PRDX6: variants seen among roughly 807,000 people sequenced by gnomAD.
PRDX6 encodes the protein peroxiredoxin 6.
A neutral mutation model predicts 20.0 loss-of-function variants in PRDX6; 13 were observed. The ratio of observed to expected loss-of-function variants is 0.65; its 90% CI spans 0.42 to 1.03. The LOEUF (loss-of-function observed/expected upper bound fraction) is 1.03. Ranked by LOEUF, PRDX6 falls within the 50% of genes least tolerant of loss-of-function variation. PRDX6 has a pLI of 0.00. For synonymous variants in PRDX6, 85 were observed against 100.8 expected (o/e 0.84, Z 0.94); for missense variants, 203 against 276.9 (o/e 0.73, Z 1.89).
chr1:173,485,265 C>T, intron 2 of PRDX6, 96 bp from the exon 3 acceptor site: 1 of 1,226,860 alleles, frequency 8.2e-7, no homozygotes, highest in East Asian at 2.5e-5. Flanking sequence ...TGATTTGGTC[C>T]TCTTTCCTGT....
In PRDX6 at chr1:173,488,114, A is replaced by C; in HGVS notation, c.*251A>C. The C allele has an allele frequency of 2.4e-6, 1 of 417,164 alleles. No individual in the cohort carries two copies. The highest frequency in any genetic ancestry group is 3.8e-5 in the South Asian group (1 of 25,978). The allele number at this position is 417,164 out of a possible 1,614,324, so 25.8% of individuals were successfully genotyped here. A position where few individuals can be genotyped will look rare whatever the true frequency, so the allele number is the denominator to read the frequency against. On this transcript the variant is annotated 3_prime_UTR_variant, in exon 5 of 5. Transcript: ENST00000340385. ...GTTTGAAATATGTTCTGTATTTAAA[A>C]CTCAAATCTTGTTGGATCTCTGCAG...
At chr1:173,485,313 G>A in intron 2 of PRDX6, 48 bp from the exon 3 acceptor site, 1 of 1,478,050 alleles carries the variant, frequency 6.8e-7, no homozygotes, top group Middle Eastern at 1.8e-4. Flanking sequence ...GAAATTCAGA[G>A]CATGTGTTGG....
intron 1 of PRDX6, among the ~76,000 whole-genome samples, chr1:173,480,561 T>TCTAATA (rs1658784176): frequency 1.3e-5 from 2 of 152,232 alleles, no homozygotes; most frequent in Admixed American, 6.5e-5. Context: ...GATATTAGTA[T>TCTAATA]TTACCTAAGA....
Position 173,481,492 on chromosome 1 carries a change from A to C in PRDX6, c.252+10A>C, listed in dbSNP as rs779754915. ...TCTTGCCTGGAGCAAGGTTAGTATC[A>C]ATTGGCATGTGCTTTGAGCCTGAGA... On this transcript the variant is annotated intron_variant, in intron 2 of 4. Transcript: ENST00000340385. 3.7e-6 allele frequency: 6 copies of C among 1,612,568 alleles called. 1 individual carries two copies. In the South Asian group the frequency reaches 4.4e-5, roughly 12 times the overall value.
chr1:173,481,180 A>T, intron 1 of PRDX6, 146 bp from the exon 2 acceptor site: 1 of 802,606 alleles, frequency 1.2e-6, no homozygotes, highest in Non-Finnish European at 1.9e-6. Context: ...GCACTCCTCA[A>T]CAGAAAAGCT....
At chr1:173,485,981 C>T (rs1355770827) in intron 3 of PRDX6, among the ~76,000 whole-genome samples, 1 of 152,224 alleles carries the variant, frequency 6.6e-6, no homozygotes, top group Non-Finnish European at 1.5e-5. Flanking sequence ...CCCCAATTGA[C>T]ACAGCCTTTC....
chr1:173,481,221 T>C, intron 1 of PRDX6, 105 bp from the exon 2 acceptor site: 1 of 1,168,588 alleles, frequency 8.6e-7, no homozygotes, highest in Non-Finnish European at 1.2e-6. Context: ...AGCATTCATT[T>C]AAAAAAGAAA....
rs202196413 is a variant in PRDX6, at chr1:173,478,516, T to TC, written c.95+1024_95+1025insC. On this transcript the variant is annotated intron_variant, in intron 1 of 4. Transcript: ENST00000340385. ...TAGGAGTAGTAAATCGGTGTTGCCCTTTTTTTTTTTTAACAGCTCCTGAAT... is the reference window on the plus strand; with the variant it reads ...TAGGAGTAGTAAATCGGTGTTGCCCTCTTTTTTTTTTTAACAGCTCCTGAAT... Among the ~76,000 whole-genome samples the TC allele has an allele frequency of 7.3e-3, 1,054 of 144,264 alleles. 14 individuals are homozygous for TC. Among genetic ancestry groups the TC allele is most frequent in the African/African-American group, 0.025 (1,013 of 39,786 alleles). The allele number at this position is 144,264 out of a possible 152,430, so 94.6% of individuals were successfully genotyped here.
At chr1:173,480,762 A>G (rs146676466) in intron 1 of PRDX6, among the ~76,000 whole-genome samples, 3 of 152,342 alleles carry the variant, frequency 2.0e-5, no homozygotes, top group Non-Finnish European at 4.4e-5. Flanking sequence ...AAAAGATTTT[A>G]TATCCACTTG....
At chr1:173,486,211 C>G in intron 3 of PRDX6, 44 bp from the exon 4 acceptor site, 1 of 1,506,730 alleles carries the variant, frequency 6.6e-7, no homozygotes, top group Non-Finnish European at 8.9e-7. Flanking sequence ...GCTTTAATAA[C>G]ACTCAAAGAA....
intron 2 of PRDX6, among the ~76,000 whole-genome samples, chr1:173,483,387 G>A (rs937974065): frequency 1.3e-5 from 2 of 152,130 alleles, no homozygotes; most frequent in African/African-American, 4.8e-5. Context: ...TAAGCAGCCA[G>A]TGACAACAGA....
chr1:173,481,158 G>A, intron 1 of PRDX6, 168 bp from the exon 2 acceptor site: 1 of 640,406 alleles, frequency 1.6e-6, no homozygotes, highest in African/African-American at 1.8e-5. Context: ...CTGGAGGTAA[G>A]TAGATTGAAA....
chr1:173,481,080 T>C (rs1004711503), intron 1 of PRDX6: 1 of 458,078 alleles, frequency 2.2e-6, no homozygotes, highest in African/African-American at 2.0e-5. Flanking sequence ...TTAACATTAG[T>C]CTTTTTAAAT....
At chr1:173,478,803 T>TGGAA (rs1223874916) in intron 1 of PRDX6, among the ~76,000 whole-genome samples, 9 of 152,206 alleles carry the variant, frequency 5.9e-5, no homozygotes, top group African/African-American at 1.9e-4. Flanking sequence ...TATAACCTCT[T>TGGAA]AAGTCCCTTT....
chr1:173,483,755 G>A (rs1658843432), intron 2 of PRDX6, among the ~76,000 whole-genome samples: 1 of 151,932 alleles, frequency 6.6e-6, no homozygotes. Context: ...ATCCAACTAA[G>A]TTCCTCACTC....
intron 3 of PRDX6, 129 bp downstream of exon 3, chr1:173,485,636 T>G: frequency 1.2e-6 from 1 of 825,664 alleles, no homozygotes; most frequent in Non-Finnish European, 1.7e-6. Flanking sequence ...TTGGCGACAA[T>G]ATCACTGATT....
At position 173,487,973 on chromosome 1, in the gene PRDX6, G is replaced by C. The variant is rs921627944; in HGVS notation, c.*110G>C. ...GGTGTCATCACAGCCAAGGTTTTTA[G>C]GTTGCTATACCAATGGCTTATTAAA... On this transcript the variant is annotated 3_prime_UTR_variant, in exon 5 of 5. Transcript: ENST00000340385. The C allele has an allele frequency of 5.1e-6, 7 of 1,371,864 alleles. No individual in the cohort carries two copies. Among genetic ancestry groups the C allele is most frequent in the Non-Finnish European group, 7.0e-6 (7 of 1,001,858 alleles). 85.0% of individuals were successfully genotyped at this position (1,371,864 alleles called of 1,614,324 possible). A position where few individuals can be genotyped will look rare whatever the true frequency, so the allele number is the denominator to read the frequency against.
At chr1:173,481,187 AG>A (rs1658795171) in intron 1 of PRDX6, 138 bp from the exon 2 acceptor site, 3 of 849,242 alleles carry the variant, frequency 3.5e-6, no homozygotes, top group Admixed American at 5.8e-5. Flanking sequence ...TCAACAGAAA[AG>A]CTTAAAAGTA....
chr1:173,487,137 A>T (rs1658915052), intron 4 of PRDX6, among the ~76,000 whole-genome samples: 1 of 152,192 alleles, frequency 6.6e-6, no homozygotes, highest in Non-Finnish European at 1.5e-5. Flanking sequence ...AAGTTTATTA[A>T]GTGGTGATAA....
Sources: allele counts gnomAD v4.1 joint callset (sites outside exome capture counted in the v4.1 genomes callset), GRCh38; gene constraint gnomAD v4.1.1; transcripts MANE v1.5; gene names NCBI Gene and HGNC (gene_info 2026-07-23, HGNC 2026-07-21).